CCBE1: variants seen among roughly 807,000 people sequenced by gnomAD.
CCBE1 encodes collagen and calcium-binding EGF domain-containing protein 1.
A neutral mutation model predicts 50.0 loss-of-function variants in CCBE1; 37 were observed. That is an observed-to-expected ratio of 0.74 (90% CI 0.57 to 0.97). The LOEUF (loss-of-function observed/expected upper bound fraction) is 0.97, where lower values mean the gene tolerates loss of function less well. CCBE1 is among the 50% of genes least tolerant of loss of function. CCBE1 has a pLI of 0.00. For missense variants in CCBE1, 538 were observed against 523.8 expected, an observed-to-expected ratio of 1.03 and a Z score of -0.26; for synonymous variants, 234 against 203.7, an observed-to-expected ratio of 1.15 and a Z score of -1.27.
intron 2 of CCBE1, among the ~76,000 whole-genome samples, chr18:59,601,617 C>G (rs1216251567): frequency 1.3e-5 from 2 of 152,186 alleles, no homozygotes; most frequent in African/African-American, 4.8e-5. Flanking sequence ...AGGCTGCTCT[C>G]AAAGTTTTGA....
intron 2 of CCBE1, among the ~76,000 whole-genome samples, chr18:59,653,060 TG>T (rs2144670137): frequency 6.6e-6 from 1 of 152,362 alleles, no homozygotes; most frequent in Admixed American, 6.5e-5. Context: ...GCAGTGGCAT[TG>T]GACCGTTCTA....
chr18:59,613,886 T>TTTTTG (rs1491113640), intron 2 of CCBE1, among the ~76,000 whole-genome samples: 1 of 135,802 alleles, frequency 7.4e-6, no homozygotes, highest in African/African-American at 3.2e-5. Context: ...TTTTTTTTTT[T>TTTTTG]GGCAGGGGGA....
chr18:59,567,868 A>T (rs1333383810), intron 2 of CCBE1, among the ~76,000 whole-genome samples: 2 of 152,240 alleles, frequency 1.3e-5, no homozygotes, highest in Admixed American at 6.5e-5. Context: ...AGGTTTTATC[A>T]GCAGACACAT....
intron 2 of CCBE1, among the ~76,000 whole-genome samples, chr18:59,682,070 C>T (rs2054596707): frequency 6.6e-6 from 1 of 152,154 alleles, no homozygotes; most frequent in Non-Finnish European, 1.5e-5. Context: ...TCATTAAAAA[C>T]CATGTCTCCC....
chr18:59,652,356 C>A (rs373713918), intron 2 of CCBE1, among the ~76,000 whole-genome samples: 3 of 152,212 alleles, frequency 2.0e-5, no homozygotes, highest in African/African-American at 7.2e-5. Flanking sequence ...TCATCAATAG[C>A]ACCGTTGGGA....
intron 5 of CCBE1, among the ~76,000 whole-genome samples, chr18:59,455,515 G>A (rs1181521171): frequency 1.3e-5 from 2 of 152,204 alleles, no homozygotes; most frequent in East Asian, 1.9e-4. Context: ...CACTGGAAAC[G>A]CAGTCGGGCC....
intron 2 of CCBE1, among the ~76,000 whole-genome samples, chr18:59,660,359 C>T (rs1173885594): frequency 6.6e-6 from 1 of 152,038 alleles, no homozygotes; most frequent in Admixed American, 6.6e-5. Context: ...TTCCTTATAG[C>T]ATCCCAATCT....
At chr18:59,450,780 C>T (rs1046826016) in intron 6 of CCBE1, among the ~76,000 whole-genome samples, 3 of 152,224 alleles carry the variant, frequency 2.0e-5, no homozygotes, top group Non-Finnish European at 2.9e-5. Flanking sequence ...AGTGATCCGC[C>T]CGCCTTGGCT....
At chr18:59,508,599 A>G (rs1913988357) in intron 2 of CCBE1, among the ~76,000 whole-genome samples, 1 of 152,032 alleles carries the variant, frequency 6.6e-6, no homozygotes, top group African/African-American at 2.4e-5. Flanking sequence ...TCTGTCTCAC[A>G]AAAAAAAGAA....
chr18:59,440,566 C>T (rs996609386), intron 7 of CCBE1, among the ~76,000 whole-genome samples: 1 of 152,098 alleles, frequency 6.6e-6, no homozygotes, highest in African/African-American at 2.4e-5. Flanking sequence ...ATGTAACCCA[C>T]CTACTTTCAA....
chr18:59,652,631 G>C (rs1178898711), intron 2 of CCBE1, among the ~76,000 whole-genome samples: 4 of 152,230 alleles, frequency 2.6e-5, no homozygotes, highest in Non-Finnish European at 4.4e-5. Context: ...GTCCCGCTCA[G>C]ACTCAGAGCC....
At chr18:59,480,924 C>T (rs1912541618) in intron 2 of CCBE1, among the ~76,000 whole-genome samples, 1 of 152,160 alleles carries the variant, frequency 6.6e-6, no homozygotes, top group South Asian at 2.1e-4. Flanking sequence ...AATATTTACA[C>T]TCTCTGAATG....
chr18:59,500,705 C>G (rs940692573), intron 2 of CCBE1, among the ~76,000 whole-genome samples: 1 of 152,174 alleles, frequency 6.6e-6, no homozygotes, highest in Non-Finnish European at 1.5e-5. Context: ...ATTTACTGCT[C>G]ACTCCCTGTG....
At chr18:59,452,636 T>C (rs1247831078) in intron 6 of CCBE1, among the ~76,000 whole-genome samples, 1 of 152,020 alleles carries the variant, frequency 6.6e-6, no homozygotes, top group East Asian at 1.9e-4. Flanking sequence ...GTTCAAACAC[T>C]GGCACAGGAG....
At chr18:59,533,336 T>C (rs948566190) in intron 2 of CCBE1, among the ~76,000 whole-genome samples, 2 of 152,198 alleles carry the variant, frequency 1.3e-5, no homozygotes, top group African/African-American at 4.8e-5. Flanking sequence ...TAGACGAAAA[T>C]TGAAACTTAA....
chr18:59,660,108 G>A (rs1440855722), intron 2 of CCBE1, among the ~76,000 whole-genome samples: 6 of 152,160 alleles, frequency 3.9e-5, no homozygotes, highest in Non-Finnish European at 7.3e-5. Context: ...TGCCCTGTAC[G>A]TGGGCACCCA....
chr18:59,577,940 C>CA (rs147161210), intron 2 of CCBE1, among the ~76,000 whole-genome samples: 10,684 of 152,144 alleles, frequency 0.07, 1,159 homozygotes, highest in African/African-American at 0.23. Context: ...GCAATGGCAA[C>CA]AAAAGCCAAA....
intron 2 of CCBE1, among the ~76,000 whole-genome samples, chr18:59,658,834 C>T (rs866081753): frequency 3.1e-5 from 4 of 128,660 alleles, no homozygotes; most frequent in Admixed American, 9.9e-5. Flanking sequence ...GAGCCAAGAT[C>T]GTGCCACTGC....
intron 2 of CCBE1, among the ~76,000 whole-genome samples, chr18:59,508,277 A>G (rs1913973827): frequency 6.6e-6 from 1 of 151,502 alleles, no homozygotes; most frequent in Non-Finnish European, 1.5e-5. Context: ...TTAGAATTCC[A>G]GTTTTATCAT....
Sources: allele counts gnomAD v4.1 joint callset (sites outside exome capture counted in the v4.1 genomes callset), GRCh38; gene constraint gnomAD v4.1.1; transcripts MANE v1.5; gene names NCBI Gene and HGNC (gene_info 2026-07-23, HGNC 2026-07-21).